The following CERS2 variants were observed in gnomAD, a reference collection of about 807,000 sequenced individuals.
CERS2 encodes the protein ceramide synthase 2, also known as LAG1 homolog, ceramide synthase 2.
CERS2 carries 20 observed loss-of-function variants against 56.6 expected under a neutral mutation model. That is an observed-to-expected ratio of 0.35 (90% CI 0.25 to 0.51). CERS2 has a LOEUF of 0.51. Among genes scored for constraint, CERS2 ranks in the 20% least tolerant of loss-of-function variants. The probability of loss-of-function intolerance (pLI) is 0.96; values close to 1 mark genes in which losing one functional copy is unlikely to be tolerated. For missense variants in CERS2, 361 were observed against 488.6 expected, an observed-to-expected ratio of 0.74 and a Z score of 2.46; for synonymous variants, 187 against 175.4, an observed-to-expected ratio of 1.07 and a Z score of -0.52.
At chr1:150,968,687 G>A (rs986540608) in intron 2 of CERS2, among the ~76,000 whole-genome samples, 175 bp from the exon 3 acceptor site, 4 of 152,174 alleles carry the variant, frequency 2.6e-5, no homozygotes, top group African/African-American at 7.2e-5. Flanking sequence ...GTGGCCAGGC[G>A]GGCGGCGGGT....
At chr1:150,966,395 T>C in intron 10 of CERS2, 81 bp downstream of exon 10, 1 of 1,600,608 alleles carries the variant, frequency 6.2e-7, no homozygotes, top group Non-Finnish European at 8.5e-7. Context: ...CACACTAGTT[T>C]TTTAGAGAGT....
chr1:150,968,567 A>G, intron 2 of CERS2, 55 bp from the exon 3 acceptor site: 1 of 1,378,090 alleles, frequency 7.3e-7, no homozygotes, highest in South Asian at 1.2e-5. Context: ...AAAGGGCTGC[A>G]AGCTAAGGCA....
chr1:150,971,539 TCA>T (rs1039804656), intron 1 of CERS2, among the ~76,000 whole-genome samples: 7 of 150,466 alleles, frequency 4.7e-5, no homozygotes, highest in Non-Finnish European at 8.9e-5. Flanking sequence ...CTCCCCCAAA[TCA>T]CACACACACA....
intron 10 of CERS2, 22 bp from the exon 11 acceptor site, chr1:150,966,310 G>A: frequency 6.2e-7 from 1 of 1,610,742 alleles, no homozygotes; most frequent in South Asian, 1.1e-5. Context: ...GGACAAGAAG[G>A]GTTATTACAT....
intron 1 of CERS2, among the ~76,000 whole-genome samples, chr1:150,971,554 CCA>C (rs1205831527): frequency 1.3e-5 from 2 of 152,030 alleles, no homozygotes; most frequent in Non-Finnish European, 2.9e-5. Flanking sequence ...CACACACATT[CCA>C]GACACTGCCC....
Position 150,968,181 on chromosome 1 carries a change from G to T in CERS2, c.312C>A (p.Ser104=). 6.2e-7 allele frequency: 1 copy of T among 1,609,216 alleles called. No homozygotes were observed. Residue 104 remains serine, a synonymous_variant, in exon 4 of 11, where the codon TCC becomes TCA. Transcript: ENST00000368954. ...GGCGGCCAGAGAGCCCGCTCTGCCG[G>T]GACAAAAGCTCTACTTCCACCTGGG... ...QPKQVEVELL[S]RQSGLSGRQV...
chr1:150,966,216 C>T lies in CERS2; in HGVS notation c.1075G>A (p.Gly359Arg), dbSNP rs144130462. The T allele has an allele frequency of 1.1e-5, 17 of 1,607,074 alleles. No homozygotes were observed. Among genetic ancestry groups the T allele is most frequent in the Non-Finnish European group, 1.4e-5 (16 of 1,178,142 alleles). The change falls in exon 11 of 11, where the codon GGA becomes AGA. Residue 359 changes from glycine (G) to arginine (R), a missense_variant. By Grantham distance (125) the Gly-to-Arg change is moderately radical (BLOSUM62 -2). Transcript: ENST00000368954. Reference sequence around the variant, plus strand: ...TTGGCTAGGGGCCGGCTCTTTGCTCCTCCCCCAGCTGCAGCCTCCTCCCCC... The same window carrying T: ...TTGGCTAGGGGCCGGCTCTTTGCTCTTCCCCCAGCTGCAGCCTCCTCCCCC... Reference protein sequence around the residue: ...SEGEEAAAGGGAKSRPLANGH... With the variant: ...SEGEEAAAGGRAKSRPLANGH...
At position 150,974,787 on chromosome 1, in the gene CERS2, G is replaced by A. The variant is rs1401062269; in HGVS notation, c.-170C>T. On this transcript the variant is annotated 5_prime_UTR_variant, in exon 1 of 11. Transcript: ENST00000368954. ...CCCTCCTCCGCCAGCCGCCGGCGCC[G>A]CCGCCGCCGCCCGCCGAGCCCAGTC... is the stretch of plus-strand genomic sequence containing the variant. 6.5e-6 allele frequency: 1 copy of A among 153,336 alleles called. No individual in the cohort carries two copies. The highest frequency in any genetic ancestry group is 1.4e-5 in the Non-Finnish European group (1 of 69,116). The allele number at this position is 153,336 out of a possible 1,614,324, so 9.5% of individuals were successfully genotyped here.
At chr1:150,969,612 G>T (rs1229186142) in intron 1 of CERS2, among the ~76,000 whole-genome samples, 1 of 151,262 alleles carries the variant, frequency 6.6e-6, no homozygotes, top group Non-Finnish European at 1.5e-5. Context: ...GCAACCTGCA[G>T]ACGTGATTCC....
chr1:150,968,326 C>A (rs1326434940), intron 3 of CERS2, 69 bp downstream of exon 3: 7 of 1,491,206 alleles, frequency 4.7e-6, no homozygotes, highest in Non-Finnish European at 6.5e-6. Context: ...CCAGAGCTAA[C>A]ATTCAAACCC....
In CERS2 at chr1:150,966,779, G is replaced by C. The variant is rs1165091673; in HGVS notation, c.825C>G (p.Thr275=). ...ACCAGAAGGGCAGGATGACCAGTCG[G>C]GTGATGATAAAAACAATGGCGAAGA... ...FIVFAIVFII[T]RLVILPFWIL... Residue 275 remains threonine (T), a synonymous_variant, in exon 9 of 11, where the codon ACC becomes ACG. Transcript: ENST00000368954. 6.2e-7 allele frequency: 1 copy of C among 1,613,912 alleles called. No homozygotes were observed. The highest frequency in any genetic ancestry group is 1.6e-4 in the Middle Eastern group (1 of 6,062).
chr1:150,966,134 GCT>G lies in CERS2; in HGVS notation c.*12_*13del, dbSNP rs1671005737. On this transcript the variant is annotated 3_prime_UTR_variant, in exon 11 of 11. Coordinates refer to ENST00000368954, the MANE Select transcript of CERS2 (RefSeq NM_022075.5). ...GCTTTATGCATTAATCTGGGAGGCAGCTGGAGTAATGGTTCAGTCATTCTTAC... is the reference window on the plus strand; with the variant it reads ...GCTTTATGCATTAATCTGGGAGGCAGGGAGTAATGGTTCAGTCATTCTTAC... 6.2e-7 allele frequency: 1 copy of G among 1,610,806 alleles called. No individual in the cohort carries two copies. Among genetic ancestry groups the G allele is most frequent in the South Asian group, 1.1e-5 (1 of 90,656 alleles).
intron 10 of CERS2, 57 bp from the exon 11 acceptor site, chr1:150,966,345 GCTT>G: frequency 6.3e-7 from 1 of 1,598,718 alleles, no homozygotes; most frequent in South Asian, 1.1e-5. Context: ...CCTAAGTACT[GCTT>G]CTCTCTGAGG....
At chr1:150,968,275 C>A in intron 3 of CERS2, 74 bp from the exon 4 acceptor site, 2 of 1,502,182 alleles carry the variant, frequency 1.3e-6, no homozygotes, top group Admixed American at 3.4e-5. Flanking sequence ...CTCCCAGTAA[C>A]AACCTCAGTC....
intron 6 of CERS2, 24 bp downstream of exon 6, chr1:150,967,640 C>T (rs779805039): frequency 3.1e-6 from 5 of 1,601,822 alleles, no homozygotes; most frequent in East Asian, 2.2e-5. Context: ...AGTCCACCCC[C>T]ACATGAGGAA....
At position 150,968,958 on chromosome 1, in the gene CERS2, G is replaced by A; in HGVS notation, c.133C>T (p.Leu45=). ...KASDLYITLP[L]ALLFLIVRYF... ...CGAACGATGAGGAAGAGCAAGGCCA[G>A]GGGCAGCGTGATATAGAGATCTGAG... The change falls in exon 2 of 11, where the codon CTG becomes TTG. Residue 45 remains leucine, a synonymous_variant. Transcript: ENST00000368954. The A allele has an allele frequency of 6.2e-7, 1 of 1,613,980 alleles. No homozygotes were observed. Among genetic ancestry groups the A allele is most frequent in the East Asian group, 2.2e-5 (1 of 44,874 alleles).
chr1:150,967,971 A>G lies in CERS2; in HGVS notation c.411-94T>C, dbSNP rs760580917. The G allele has an allele frequency of 1.1e-4, 158 of 1,381,312 alleles. 1 individual carries two copies. In the Middle Eastern group the frequency reaches 2.7e-3, roughly 24 times the overall value. 85.6% of individuals were successfully genotyped at this position (1,381,312 alleles called of 1,614,324 possible). A position where few individuals can be genotyped will look rare whatever the true frequency, so the allele number is the denominator to read the frequency against. On this transcript the variant is annotated intron_variant, in intron 4 of 10. Transcript: ENST00000368954. ...CAGATACCCTCACAAGATACCATTA[A>G]TAACTGAATTCACCTCCTCACATCT...
At chr1:150,968,344 C>T (rs748400739) in intron 3 of CERS2, 51 bp downstream of exon 3, 28 of 1,532,812 alleles carry the variant, frequency 1.8e-5, no homozygotes, top group Middle Eastern at 1.7e-4. Context: ...CCCTGTCCCC[C>T]CACCACCAAA....
rs1553244440 is a variant in CERS2 at position 150,974,745 on chromosome 1, G to GCGCCCGCCCT, written c.-138_-129dup. On this transcript the variant is annotated 5_prime_UTR_variant, in exon 1 of 11. Transcript: ENST00000368954. ...CCCTCTTCCGCCCGCCCGCCGGCCCGCGCCCGCCCTCGCCCTCCCTCCTCC... is the reference window on the plus strand; with the variant it reads ...CCCTCTTCCGCCCGCCCGCCGGCCCGCGCCCGCCCTCGCCCGCCCTCGCCCTCCCTCCTCC... The GCGCCCGCCCT allele has an allele frequency of 1.3e-5, 2 of 150,788 alleles. No homozygotes were observed. The highest frequency in any genetic ancestry group is 2.9e-5 in the Non-Finnish European group (2 of 68,378). 9.3% of individuals were successfully genotyped at this position (150,788 alleles called of 1,614,324 possible).
Sources: gnomAD v4.1 joint callset for allele counts (sites outside exome capture counted in the v4.1 genomes callset) on GRCh38, gnomAD v4.1.1 for gene constraint, MANE v1.5 for transcripts, NCBI Gene and HGNC (gene_info 2026-07-23, HGNC 2026-07-21) for gene names.